The following TRPC5OS variants were observed in gnomAD, a reference collection of about 807,000 sequenced individuals.
TRPC5OS encodes the protein TRPC5 opposite strand.
For synonymous variants in TRPC5OS, 30 were observed against 29.3 expected, an observed-to-expected ratio of 1.02 and a Z score of -0.08; for missense variants, 64 against 79.3, an observed-to-expected ratio of 0.81 and a Z score of 0.73.
chrX:111,882,920 T>C (rs1394941127), intron 1 of TRPC5OS, among the ~76,000 whole-genome samples: 2 of 110,862 alleles, frequency 1.8e-5, no homozygotes, highest in East Asian at 5.7e-4. Context: ...ACCCCGTCTC[T>C]ACCAAAAATA....
intron 1 of TRPC5OS, among the ~76,000 whole-genome samples, chrX:111,887,001 T>C (rs149088705): frequency 2.0e-3 from 222 of 112,636 alleles, no homozygotes; most frequent in African/African-American, 6.9e-3. Flanking sequence ...CAGCTTCCTG[T>C]TTGGTGGTAC....
At chrX:111,882,276 C>T (rs1924260815) in intron 1 of TRPC5OS, among the ~76,000 whole-genome samples, 1 of 110,465 alleles carries the variant, frequency 9.1e-6, no homozygotes, top group African/African-American at 3.3e-5. Flanking sequence ...GGGGTTGCTT[C>T]CTGTTTTATA....
intron 1 of TRPC5OS, among the ~76,000 whole-genome samples, chrX:111,889,981 A>G (rs907434952): frequency 4.5e-5 from 5 of 111,456 alleles, no homozygotes; most frequent in Non-Finnish European, 9.4e-5. Context: ...GTTGTCCTCA[A>G]GGGGACTTTT....
At chrX:111,877,644 T>G (rs1216134981) in intron 1 of TRPC5OS, among the ~76,000 whole-genome samples, 1 of 109,458 alleles carries the variant, frequency 9.1e-6, no homozygotes, top group African/African-American at 3.3e-5. Flanking sequence ...ACCATAGGAG[T>G]TGGTATAATA....
At chrX:111,885,525 G>T (rs1297956173) in intron 1 of TRPC5OS, among the ~76,000 whole-genome samples, 1 of 108,953 alleles carries the variant, frequency 9.2e-6, no homozygotes, top group Admixed American at 9.8e-5. Context: ...AGATTGGTTG[G>T]CCACTCTAAT....
chrX:111,901,799 A>G lies in TRPC5OS; in HGVS notation c.-51A>G, dbSNP rs1245348355. On this transcript the variant is annotated 5_prime_UTR_variant, in exon 4 of 4. Transcript: ENST00000635763. ...TACTATCCATTGTCACCAAGAGTCC[A>G]TTTGCTAGAGCTTTTAGTGATATTT... 7 of 996,112 alleles carry G rather than the reference A, an allele frequency of 7.0e-6. No homozygotes were observed. The Admixed American group carries it at 2.2e-4, about 32-fold the overall frequency. The allele number at this position is 996,112 out of a possible 1,213,427, so 82.1% of individuals were successfully genotyped here. A position where few individuals can be genotyped will look rare whatever the true frequency, so the allele number is the denominator to read the frequency against.
chrX:111,884,496 C>A (rs1393029549), intron 1 of TRPC5OS, among the ~76,000 whole-genome samples: 1 of 112,786 alleles, frequency 8.9e-6, no homozygotes, highest in African/African-American at 3.2e-5. Flanking sequence ...CCAGTTTAAA[C>A]CTAGCCATCC....
intron 1 of TRPC5OS, chrX:111,882,056 A>G (rs938331137): frequency 9.1e-6 from 1 of 109,619 alleles, no homozygotes; most frequent in African/African-American, 3.3e-5. Context: ...CCAATTGCAC[A>G]TTATGGGCAA....
chrX:111,894,962 A>G (rs1924992745), intron 1 of TRPC5OS, among the ~76,000 whole-genome samples: 2 of 110,449 alleles, frequency 1.8e-5, no homozygotes, highest in Non-Finnish European at 3.8e-5. Flanking sequence ...ATGTAGTGAT[A>G]TGGTAGCTAA....
intron 3 of TRPC5OS, among the ~76,000 whole-genome samples, chrX:111,899,821 C>T (rs901423749): frequency 8.1e-5 from 9 of 111,441 alleles, no homozygotes; most frequent in Non-Finnish European, 1.7e-4. Context: ...TTACATGAGA[C>T]GTTTTTCTCT....
chrX:111,887,383 C>G (rs185969723), intron 1 of TRPC5OS, among the ~76,000 whole-genome samples: 365 of 112,319 alleles, frequency 3.2e-3, no homozygotes, highest in South Asian at 0.015. Flanking sequence ...CTTTGATTGA[C>G]TTCGCATTTG....
At chrX:111,897,269 G>C (rs1253337426) in intron 3 of TRPC5OS, among the ~76,000 whole-genome samples, 2 of 111,474 alleles carry the variant, frequency 1.8e-5, no homozygotes, top group African/African-American at 6.5e-5. Context: ...TACAGTCCTT[G>C]ACACACAATA....
Position 111,902,429 on chromosome X carries a change from A to G in TRPC5OS, c.*244A>G, listed in dbSNP as rs1355518965. Reference sequence around the variant, plus strand: ...TGTAGGTCTCCCTTTACCTGTACTTACTCTCATGCTAGAATTTCTGATGAT... The same window carrying G: ...TGTAGGTCTCCCTTTACCTGTACTTGCTCTCATGCTAGAATTTCTGATGAT... On this transcript the variant is annotated 3_prime_UTR_variant, in exon 4 of 4. Transcript: ENST00000635763. The G allele has an allele frequency of 1.0e-5, 2 of 197,294 alleles. No individual in the cohort carries two copies. Among genetic ancestry groups the G allele is most frequent in the Non-Finnish European group, 1.8e-5 (2 of 109,351 alleles). The allele number at this position is 197,294 out of a possible 1,213,427, so 16.3% of individuals were successfully genotyped here.
intron 1 of TRPC5OS, among the ~76,000 whole-genome samples, chrX:111,895,026 T>G: frequency 8.9e-6 from 1 of 111,785 alleles, no homozygotes; most frequent in East Asian, 2.8e-4. Flanking sequence ...TGGTGGATAT[T>G]TGTACGCTCT....
At chrX:111,894,481 T>G (rs1924962158) in intron 1 of TRPC5OS, among the ~76,000 whole-genome samples, 1 of 111,947 alleles carries the variant, frequency 8.9e-6, no homozygotes, top group African/African-American at 3.2e-5. Context: ...ATGAGCTACT[T>G]GTAAGATATA....
At chrX:111,889,196 G>A (rs1397205202) in intron 1 of TRPC5OS, among the ~76,000 whole-genome samples, 1 of 111,592 alleles carries the variant, frequency 9.0e-6, no homozygotes, top group African/African-American at 3.3e-5. Context: ...GGGAGTGATT[G>A]GCCATGTTAA....
At chrX:111,885,772 A>C (rs887918800) in intron 1 of TRPC5OS, among the ~76,000 whole-genome samples, 1 of 111,191 alleles carries the variant, frequency 9.0e-6, no homozygotes, top group Non-Finnish European at 1.9e-5. Flanking sequence ...GTTTAAACTC[A>C]AAAGCCACAC....
intron 1 of TRPC5OS, among the ~76,000 whole-genome samples, chrX:111,877,957 T>C (rs1367115113): frequency 9.0e-6 from 1 of 111,550 alleles, no homozygotes; most frequent in South Asian, 3.8e-4. Flanking sequence ...TGATAGGTTC[T>C]GGTGATTAAG....
chrX:111,899,153 A>T (rs867895715), intron 3 of TRPC5OS, among the ~76,000 whole-genome samples: 11 of 111,039 alleles, frequency 9.9e-5, no homozygotes, highest in Non-Finnish European at 1.3e-4. Flanking sequence ...AAATAAAAAA[A>T]AAGCTAATAC....
Sources: gnomAD v4.1 joint callset for allele counts (sites outside exome capture counted in the v4.1 genomes callset) on GRCh38, gnomAD v4.1.1 for gene constraint, MANE v1.5 for transcripts, NCBI Gene and HGNC (gene_info 2026-07-23, HGNC 2026-07-21) for gene names.